Variants in SMIM35 observed in about 807,000 individuals in gnomAD.
SMIM35 encodes the protein small integral membrane protein 35.
Position 118,062,878 on chromosome 11 carries a change from G to A in SMIM35, c.7+23873C>T, listed in dbSNP as rs572109070. On this transcript the variant is annotated intron_variant, in intron 1 of 4. Transcript: ENST00000689828. ...TAAGGTATTCTAAGTCACAGGAAGA[G>A]ATAGGAGGTCAACACATGATACAGG... 6.2e-4 allele frequency among the ~76,000 whole-genome samples: 95 copies of A among 152,304 alleles called. 1 individual carries two copies. Among genetic ancestry groups the A allele is most frequent in the Non-Finnish European group, 1.2e-3 (83 of 68,028 alleles).
intron 1 of SMIM35, among the ~76,000 whole-genome samples, chr11:118,056,143 CCGCTT>C (rs1302605740): frequency 1.3e-5 from 2 of 152,252 alleles, no homozygotes; most frequent in Non-Finnish European, 2.9e-5. Flanking sequence ...GGAGGTCTTG[CCGCTT>C]CTCAAGGAGA....
intron 1 of SMIM35, among the ~76,000 whole-genome samples, chr11:118,019,924 C>T (rs1488800734): frequency 1.3e-5 from 2 of 152,176 alleles, no homozygotes; most frequent in African/African-American, 2.4e-5. Context: ...GGACACTAGA[C>T]ATGTAATGAC....
At chr11:118,054,313 A>T (rs1390419762) in intron 1 of SMIM35, among the ~76,000 whole-genome samples, 1 of 152,164 alleles carries the variant, frequency 6.6e-6, no homozygotes, top group Non-Finnish European at 1.5e-5. Flanking sequence ...TTCTCATTAG[A>T]TAAAGAGATG....
intron 1 of SMIM35, among the ~76,000 whole-genome samples, chr11:118,019,576 C>G (rs2058209219): frequency 6.6e-6 from 1 of 152,152 alleles, no homozygotes; most frequent in Non-Finnish European, 1.5e-5. Context: ...TTAAGTTTGC[C>G]TATAGTGTCT....
chr11:118,065,686 C>G (rs762778669), intron 1 of SMIM35, among the ~76,000 whole-genome samples: 1 of 152,108 alleles, frequency 6.6e-6, no homozygotes, highest in African/African-American at 2.4e-5. Flanking sequence ...ACTAAGTAAT[C>G]AATGGGAAAC....
At chr11:118,063,346 G>A (rs567567350) in intron 1 of SMIM35, among the ~76,000 whole-genome samples, 30 of 152,274 alleles carry the variant, frequency 2.0e-4, no homozygotes, top group African/African-American at 6.7e-4. Flanking sequence ...TCTTTCAGTT[G>A]ATGATTTTCT....
At chr11:118,014,024 G>A in intron 3 of SMIM35, 144 bp from the exon 4 acceptor site, 1 of 394,686 alleles carries the variant, frequency 2.5e-6, no homozygotes, top group Non-Finnish European at 4.5e-6. Context: ...CATCTCTCAG[G>A]GCCAAAGGAG....
chr11:118,078,796 T>C (rs1224178968), intron 1 of SMIM35, among the ~76,000 whole-genome samples: 1 of 152,114 alleles, frequency 6.6e-6, no homozygotes, highest in African/African-American at 2.4e-5. Flanking sequence ...TGTGCTGTCT[T>C]GAGGCATTCA....
At chr11:118,016,939 T>C (rs1399156735) in intron 1 of SMIM35, among the ~76,000 whole-genome samples, 2 of 152,178 alleles carry the variant, frequency 1.3e-5, no homozygotes, top group Non-Finnish European at 2.9e-5. Context: ...TTAAAAACGG[T>C]ATGCCCATGC....
intron 1 of SMIM35, among the ~76,000 whole-genome samples, chr11:118,036,600 G>A (rs1474627231): frequency 3.3e-5 from 5 of 152,220 alleles, no homozygotes; most frequent in South Asian, 4.1e-4. Flanking sequence ...TGGGGAGAAG[G>A]GCGCTCCTTG....
chr11:118,064,755 T>A (rs532411760), intron 1 of SMIM35, among the ~76,000 whole-genome samples: 1 of 152,320 alleles, frequency 6.6e-6, no homozygotes, highest in African/African-American at 2.4e-5. Context: ...GCCATCCTCC[T>A]ACCTCAGCCT....
At chr11:118,083,421 G>A (rs1272293792) in intron 1 of SMIM35, among the ~76,000 whole-genome samples, 1 of 152,086 alleles carries the variant, frequency 6.6e-6, no homozygotes, top group Non-Finnish European at 1.5e-5. Context: ...GTCCCCAGAT[G>A]CGCTTAGTCC....
chr11:118,043,235 T>C (rs1235349593), intron 1 of SMIM35, among the ~76,000 whole-genome samples: 1 of 151,834 alleles, frequency 6.6e-6, no homozygotes, highest in Non-Finnish European at 1.5e-5. Context: ...CAGTCTTACA[T>C]ATGGAAAATC....
intron 1 of SMIM35, among the ~76,000 whole-genome samples, chr11:118,083,525 A>G (rs1462885812): frequency 6.6e-6 from 1 of 152,188 alleles, no homozygotes; most frequent in Non-Finnish European, 1.5e-5. Flanking sequence ...CAGGCCCTCT[A>G]TGAAGCTCCT....
chr11:118,040,409 C>T (rs1565388429), intron 1 of SMIM35, among the ~76,000 whole-genome samples: 3 of 152,190 alleles, frequency 2.0e-5, no homozygotes, highest in Admixed American at 1.3e-4. Context: ...AAGATTAGCA[C>T]TTGGCTTTTC....
At chr11:118,068,147 G>A (rs375119581) in intron 1 of SMIM35, among the ~76,000 whole-genome samples, 2 of 151,592 alleles carry the variant, frequency 1.3e-5, no homozygotes, top group East Asian at 1.9e-4. Context: ...TCATCTCCCC[G>A]GTCCCAGCAC....
intron 1 of SMIM35, among the ~76,000 whole-genome samples, chr11:118,023,719 G>A (rs1053878835): frequency 6.7e-6 from 1 of 149,308 alleles, no homozygotes; most frequent in Admixed American, 6.7e-5. Flanking sequence ...GTGAGACATA[G>A]AGGGGAAAAA....
At chr11:118,017,365 C>T (rs565168527) in intron 1 of SMIM35, among the ~76,000 whole-genome samples, 64 of 152,254 alleles carry the variant, frequency 4.2e-4, no homozygotes, top group Middle Eastern at 3.4e-3. Context: ...GGATGCCTTG[C>T]CACATGGAGC....
At chr11:118,073,805 G>A (rs905751853) in intron 1 of SMIM35, among the ~76,000 whole-genome samples, 1 of 152,268 alleles carries the variant, frequency 6.6e-6, no homozygotes, top group Admixed American at 6.5e-5. Context: ...CAGCAGCGCC[G>A]CCATGATGGG....
Sources: allele counts gnomAD v4.1 joint callset (sites outside exome capture counted in the v4.1 genomes callset), GRCh38; gene constraint gnomAD v4.1.1; transcripts MANE v1.5; gene names NCBI Gene and HGNC (gene_info 2026-07-23, HGNC 2026-07-21).